FAM107B: variants seen among roughly 807,000 people sequenced by gnomAD.
FAM107B encodes the protein family with sequence similarity 107 member B, also known as protein FAM107B.
Under a neutral mutation model 31.5 loss-of-function variants are expected in FAM107B, and 21 were observed. The ratio of observed to expected loss-of-function variants is 0.67; its 90% CI spans 0.47 to 0.96. FAM107B has a LOEUF of 0.96. Among genes scored for constraint, FAM107B ranks in the 40% least tolerant of loss-of-function variants. The pLI is 0.00. For synonymous variants in FAM107B, 157 were observed against 141.5 expected, an observed-to-expected ratio of 1.11 and a Z score of -0.78; for missense variants, 452 against 377.1, an observed-to-expected ratio of 1.20 and a Z score of -1.64.
intron 2 of FAM107B, among the ~76,000 whole-genome samples, chr10:14,660,498 A>T (rs1441698638): frequency 6.6e-6 from 1 of 152,244 alleles, no homozygotes; most frequent in African/African-American, 2.4e-5. Context: ...GCCACCTCTG[A>T]AAGACTGTTA....
intron 1 of FAM107B, among the ~76,000 whole-genome samples, chr10:14,767,373 T>C (rs1833205256): frequency 6.6e-6 from 1 of 151,858 alleles, no homozygotes; most frequent in East Asian, 1.9e-4. Context: ...ATTACAGGCA[T>C]GAGCCACCGC....
At chr10:14,619,462 T>C (rs1852941230) in intron 2 of FAM107B, among the ~76,000 whole-genome samples, 1 of 152,240 alleles carries the variant, frequency 6.6e-6, no homozygotes, top group South Asian at 2.1e-4. Flanking sequence ...ATGTGCTATT[T>C]GTCATCCATA....
chr10:14,662,223 A>C (rs1170615214), intron 2 of FAM107B, among the ~76,000 whole-genome samples: 1 of 152,178 alleles, frequency 6.6e-6, no homozygotes, highest in Non-Finnish European at 1.5e-5. Context: ...TTAAATAGAC[A>C]TAATCCCTGC....
At chr10:14,740,417 A>G (rs1411174241) in intron 1 of FAM107B, among the ~76,000 whole-genome samples, 1 of 152,252 alleles carries the variant, frequency 6.6e-6, no homozygotes, top group Non-Finnish European at 1.5e-5. Context: ...AACTATACAG[A>G]CAATAAAATG....
intron 2 of FAM107B, among the ~76,000 whole-genome samples, chr10:14,607,091 G>A (rs1852613042): frequency 6.6e-6 from 1 of 152,212 alleles, no homozygotes; most frequent in Non-Finnish European, 1.5e-5. Context: ...GGCAGAGTGT[G>A]TGAATGTGAT....
At chr10:14,702,797 A>G (rs1436403934) in intron 1 of FAM107B, among the ~76,000 whole-genome samples, 1 of 152,172 alleles carries the variant, frequency 6.6e-6, no homozygotes, top group Non-Finnish European at 1.5e-5. Flanking sequence ...TAAAATGAGT[A>G]TTTTGCCCTC....
At chr10:14,583,636 G>A (rs1851728148) in intron 2 of FAM107B, among the ~76,000 whole-genome samples, 3 of 152,126 alleles carry the variant, frequency 2.0e-5, no homozygotes, top group Non-Finnish European at 1.5e-5. Flanking sequence ...TAAGGTGGGT[G>A]GGGACGGAGG....
intron 2 of FAM107B, among the ~76,000 whole-genome samples, chr10:14,540,389 G>C (rs1848060838): frequency 6.6e-6 from 1 of 152,212 alleles, no homozygotes; most frequent in South Asian, 2.1e-4. Context: ...GCAACAGCAT[G>C]TTTCTATCCG....
At chr10:14,701,193 C>T (rs1855390765) in intron 1 of FAM107B, among the ~76,000 whole-genome samples, 2 of 151,950 alleles carry the variant, frequency 1.3e-5, no homozygotes, top group South Asian at 2.1e-4. Flanking sequence ...TTTTTAAAAG[C>T]TTAATGCCAG....
At chr10:14,588,743 T>G (rs17155529) in intron 2 of FAM107B, among the ~76,000 whole-genome samples, 1 of 151,984 alleles carries the variant, frequency 6.6e-6, no homozygotes, top group Non-Finnish European at 1.5e-5. Context: ...CAAAAACACA[T>G]CTGATCTTTA....
intron 1 of FAM107B, among the ~76,000 whole-genome samples, chr10:14,703,538 T>C (rs1455210382): frequency 6.6e-6 from 1 of 152,138 alleles, no homozygotes; most frequent in Non-Finnish European, 1.5e-5. Context: ...TTTCACCATG[T>C]TGGCCAGGCT....
In FAM107B at chr10:14,519,113, CT is replaced by C. The variant is rs1305323810; in HGVS notation, c.*2076del. On this transcript the variant is annotated 3_prime_UTR_variant, in exon 5 of 5. Transcript: ENST00000181796. ...TTTGTATTACTAATTACAAATAATT[CT>C]GCAGATTTGAGTGAGATTAGGAAAG... The C allele has an allele frequency of 2.0e-5, 3 of 152,038 alleles. No individual in the cohort carries two copies. The highest frequency in any genetic ancestry group is 4.8e-5 in the African/African-American group (2 of 41,358). 9.4% of individuals were successfully genotyped at this position (152,038 alleles called of 1,614,324 possible). A position where few individuals can be genotyped will look rare whatever the true frequency, so the allele number is the denominator to read the frequency against.
rs1856391800 is a variant in FAM107B, at chr10:14,739,672, AC to A, written c.411+34580del. Among the ~76,000 whole-genome samples the A allele has an allele frequency of 4.6e-5, 7 of 152,252 alleles. No individual in the cohort carries two copies. In the South Asian group the frequency reaches 1.2e-3, roughly 27 times the overall value. On this transcript the variant is annotated intron_variant, in intron 1 of 4. Transcript: ENST00000181796. ...AAAGGGAAAATATTTCATTTCCCAG[AC>A]CACAAGAATTGTTTTAGGGATAGAT... is the stretch of plus-strand genomic sequence containing the variant.
chr10:14,676,839 T>C (rs1854694113), intron 1 of FAM107B, among the ~76,000 whole-genome samples: 1 of 152,224 alleles, frequency 6.6e-6, no homozygotes, highest in African/African-American at 2.4e-5. Flanking sequence ...TTCTCTGTAA[T>C]ATTTATTCTC....
At chr10:14,767,055 T>TATATATATATAG (rs1440609298) in intron 1 of FAM107B, among the ~76,000 whole-genome samples, 7 of 18,276 alleles carry the variant, frequency 3.8e-4, no homozygotes, top group African/African-American at 6.1e-4. Context: ...TATATATATA[T>TATATATATATAG]AGAGAGAGAG....
chr10:14,655,156 G>A (rs1247177368), intron 2 of FAM107B, among the ~76,000 whole-genome samples: 1 of 152,106 alleles, frequency 6.6e-6, no homozygotes, highest in Non-Finnish European at 1.5e-5. Flanking sequence ...AGATCTCATG[G>A]GAAATAAGGG....
At chr10:14,576,707 T>C (rs1361313329) in intron 2 of FAM107B, among the ~76,000 whole-genome samples, 1 of 152,236 alleles carries the variant, frequency 6.6e-6, no homozygotes, top group Non-Finnish European at 1.5e-5. Context: ...CAAACACATC[T>C]TTGTACTTTA....
chr10:14,529,953 T>A (rs1846766604), intron 3 of FAM107B: 1 of 182,338 alleles, frequency 5.5e-6, no homozygotes, highest in African/African-American at 2.4e-5. Context: ...ATTACATGAT[T>A]CCTACACCTT....
intron 2 of FAM107B, among the ~76,000 whole-genome samples, chr10:14,536,292 G>A (rs764824967): frequency 2.4e-4 from 37 of 152,152 alleles, no homozygotes; most frequent in Non-Finnish European, 5.1e-4. Flanking sequence ...TTACAGGTGC[G>A]CTACCACCAA....
Sources: gnomAD v4.1 joint callset for allele counts (sites outside exome capture counted in the v4.1 genomes callset) on GRCh38, gnomAD v4.1.1 for gene constraint, MANE v1.5 for transcripts, NCBI Gene and HGNC (gene_info 2026-07-23, HGNC 2026-07-21) for gene names.